The following URB1 variants were observed in gnomAD, a reference collection of about 807,000 sequenced individuals.
URB1 encodes the protein nucleolar pre-ribosomal-associated protein 1.
In URB1, 197 loss-of-function variants were observed where a neutral mutation model predicts 242.3. The observed-to-expected ratio is 0.81, with a 90% CI of 0.72 to 0.91. URB1 has a LOEUF of 0.91. URB1 is among the 40% of genes least tolerant of loss of function. URB1 has a pLI of 0.00. For synonymous variants in URB1, 1,153 were observed against 1,201.8 expected, an observed-to-expected ratio of 0.96 and a Z score of 0.84; for missense variants, 2,721 against 2,860.5, an observed-to-expected ratio of 0.95 and a Z score of 1.11.
chr21:32,347,268 C>T lies in URB1; in HGVS notation c.3556G>A (p.Ala1186Thr), dbSNP rs757725246. 3.2e-6 allele frequency: 5 copies of T among 1,550,720 alleles called. No individual in the cohort carries two copies. The highest frequency in any genetic ancestry group is 4.4e-6 in the Non-Finnish European group (5 of 1,146,868). ...TCCACTGCTAGCGTGGGCAGCAGAGCCCCCAGGCCTCTCACATACTCGGAG... is the reference window on the plus strand; with the variant it reads ...TCCACTGCTAGCGTGGGCAGCAGAGTCCCCAGGCCTCTCACATACTCGGAG... Reference protein sequence around the residue: ...WSSEYVRGLGALLPTLAVDEL... With the variant: ...WSSEYVRGLGTLLPTLAVDEL... The change falls in exon 22 of 39, where the codon GCT (alanine) becomes ACT (threonine). Residue 1186 changes from alanine to threonine, a missense_variant. Ala to Thr is a moderately conservative substitution (Grantham distance 58). Transcript: ENST00000382751.
In URB1 at chr21:32,345,378, T is replaced by C. The variant is rs922568438; in HGVS notation, c.4066A>G (p.Lys1356Glu). ...AACCAACCTGAGCCTTCATACCTCT[T>C]GTGACTGCTTGGGGTGTGAAGCAAG... ...PSLLHTPSSH[K>E]RWIVADSISA... Residue 1356 changes from lysine (K) to glutamate (E), a missense_variant, in exon 23 of 39, where the codon AAG becomes GAG. Transcript: ENST00000382751. 2 of 1,550,268 alleles carry C rather than the reference T, an allele frequency of 1.3e-6. No individual in the cohort carries two copies. The highest frequency in any genetic ancestry group is 1.4e-5 in the African/African-American group (1 of 72,536).
intron 4 of URB1, among the ~76,000 whole-genome samples, chr21:32,383,019 C>T (rs912462995): frequency 6.6e-5 from 10 of 152,180 alleles, no homozygotes; most frequent in African/African-American, 2.4e-4. Context: ...TGGCTTAGAG[C>T]TTCAAGGGCT....
chr21:32,312,006 A>AT lies in URB1; in HGVS notation c.*2911dup. 2 of 1,613,000 alleles carry AT rather than the reference A, an allele frequency of 1.2e-6. No individual in the cohort carries two copies. The highest frequency in any genetic ancestry group is 1.7e-6 in the Non-Finnish European group (2 of 1,180,034). ...TCAATTGCAGAGCTGATGTCAGTAA[A>AT]TCGTGGCCATAGCTGAGTGAACTGG... On this transcript the variant is annotated 3_prime_UTR_variant, in exon 39 of 39. Coordinates refer to ENST00000382751, the MANE Select transcript of URB1 (RefSeq NM_014825.3).
Position 32,366,617 on chromosome 21 carries a change from C to T in URB1, c.1335+1G>A, listed in dbSNP as rs1330763784. Reference sequence around the variant, plus strand: ...GAAGTGGGGCAACCACATGGCCTTACGTTTAATGCTTGGGTGAACATGCTC... The same window carrying T: ...GAAGTGGGGCAACCACATGGCCTTATGTTTAATGCTTGGGTGAACATGCTC... On this transcript the variant is annotated splice_donor_variant, in intron 10 of 38. Transcript: ENST00000382751. LOFTEE classifies it high-confidence loss of function. 7 of 1,551,252 alleles carry T rather than the reference C, an allele frequency of 4.5e-6. No individual in the cohort carries two copies. Among genetic ancestry groups the T allele is most frequent in the East Asian group, 2.4e-5 (1 of 40,936 alleles).
In URB1 at chr21:32,359,879, C is replaced by A; in HGVS notation, c.1786G>T (p.Glu596Ter). The part of the protein sequence containing the change: ...GVISEQGLRE[E>*]VPPILQHHML... ...TGGTGCTGCAGAATGGGAGGCACCT[C>A]CTCTCGAAGGCCCTGCTCAGAGATG... Residue 596 changes from glutamate to a stop codon, truncating the protein, a stop_gained, in exon 14 of 39, where the codon GAG (glutamate) becomes TAG (stop). Coordinates refer to ENST00000382751, the MANE Select transcript of URB1 (RefSeq NM_014825.3). LOFTEE classifies it high-confidence loss of function. 2 of 1,548,262 alleles carry A rather than the reference C, an allele frequency of 1.3e-6. No homozygotes were observed. Among genetic ancestry groups the A allele is most frequent in the South Asian group, 2.4e-5 (2 of 83,416 alleles).
intron 21 of URB1, among the ~76,000 whole-genome samples, chr21:32,349,082 G>C (rs1338994933): frequency 6.6e-6 from 1 of 152,256 alleles, no homozygotes; most frequent in Non-Finnish European, 1.5e-5. Context: ...AGAGAAAGCT[G>C]TCTGCAGGGA....
chr21:32,388,407 T>C (rs1050820932), intron 1 of URB1, among the ~76,000 whole-genome samples: 2 of 152,242 alleles, frequency 1.3e-5, no homozygotes, highest in African/African-American at 4.8e-5. Flanking sequence ...TCCAGTCACA[T>C]TCGGCCTCTG....
At chr21:32,375,309 T>C in intron 6 of URB1, 89 bp downstream of exon 6, 1 of 780,052 alleles carries the variant, frequency 1.3e-6, no homozygotes, top group East Asian at 3.1e-5. Flanking sequence ...GATAAGATGT[T>C]GTAGCTCTAC....
chr21:32,353,892 C>T (rs2298363), intron 18 of URB1, 41 bp downstream of exon 18: 1,076,560 of 1,541,540 alleles, frequency 0.7, 382,976 homozygotes, highest in Non-Finnish European at 0.74. Flanking sequence ...ACAGACTAGC[C>T]GGCCAGGTGC....
intron 14 of URB1, among the ~76,000 whole-genome samples, chr21:32,358,255 C>T (rs1275978850): frequency 6.6e-6 from 1 of 152,092 alleles, no homozygotes; most frequent in African/African-American, 2.4e-5. Context: ...AGCTGCTACC[C>T]TATTTTACAT....
chr21:32,349,228 G>A, intron 21 of URB1, 76 bp downstream of exon 21: 3 of 1,432,900 alleles, frequency 2.1e-6, no homozygotes, highest in Non-Finnish European at 1.8e-6. Flanking sequence ...ACCTATGTTT[G>A]TTTTTAATCA....
Position 32,347,127 on chromosome 21 carries a change from T to TGTGTGCGCCGGGCC in URB1, c.3696_3697insGGCCCGGCGCACAC (p.Ile1233GlyfsTer71), listed in dbSNP as rs1353919292. The TGTGTGCGCCGGGCC allele has an allele frequency of 6.5e-7, 1 of 1,549,334 alleles. No individual in the cohort carries two copies. Among genetic ancestry groups the TGTGTGCGCCGGGCC allele is most frequent in the Non-Finnish European group, 8.7e-7 (1 of 1,146,288 alleles). On this transcript the variant is annotated frameshift_variant, in exon 22 of 39. Coordinates refer to ENST00000382751, the MANE Select transcript of URB1 (RefSeq NM_014825.3). LOFTEE classifies it high-confidence loss of function. The stretch of plus-strand genomic sequence containing the variant: ...CTCTCCTGGAGGAGCAGGGCAGCGA[T>TGTGTGCGCCGGGCC]GCTGAGGGCCGCCTGTGTGCGCCGG...
chr21:32,371,241 C>T (rs2033403138), intron 8 of URB1, among the ~76,000 whole-genome samples: 1 of 152,196 alleles, frequency 6.6e-6, no homozygotes, highest in Non-Finnish European at 1.5e-5. Flanking sequence ...AATCTCCTTC[C>T]TTTCCCTTAT....
chr21:32,384,319 C>T lies in URB1; in HGVS notation c.428G>A (p.Gly143Asp), dbSNP rs986716285. 8.4e-6 allele frequency: 13 copies of T among 1,551,316 alleles called. No homozygotes were observed. In the African/African-American group the frequency reaches 1.4e-4, roughly 16 times the overall value. The change falls in exon 3 of 39, where the codon GGT (glycine) becomes GAT (aspartate). Residue 143 changes from glycine to aspartate, a missense_variant. By Grantham distance (94) the Gly-to-Asp change is moderately conservative (BLOSUM62 -1). Coordinates refer to ENST00000382751, the MANE Select transcript of URB1 (RefSeq NM_014825.3). ...KLICESLYAS[G>D]YRLARACLSL... ...ACCAAGGCAGACTGCCTACCTGTAA[C>T]CTGAGGCATACAGGGACTCACAGAT...
intron 25 of URB1, 97 bp downstream of exon 25, chr21:32,341,369 G>A (rs971986157): frequency 1.4e-5 from 17 of 1,236,198 alleles, no homozygotes; most frequent in African/African-American, 6.1e-5. Flanking sequence ...GCTCCACCAC[G>A]TGGATTATGC....
In URB1 at chr21:32,347,485, T is replaced by G; in HGVS notation, c.3339A>C (p.Pro1113=). 6.4e-7 allele frequency: 1 copy of G among 1,551,232 alleles called. No individual in the cohort carries two copies. Among genetic ancestry groups the G allele is most frequent in the South Asian group, 1.2e-5 (1 of 83,986 alleles). Residue 1113 remains proline, a synonymous_variant, in exon 22 of 39, where the codon CCA becomes CCC. Transcript: ENST00000382751. ...PQLEALQELH[P]YMEGAQLREV... ...CACGGAGCTGGGCACCCTCCATGTA[T>G]GGATGCAGCTCCTGCAGGGCCTCCA...
rs2033549156 is a variant in URB1, at chr21:32,383,479, G to C, written c.510C>G (p.Ser170Arg). ...QGPEAARDVC[S>R]HFDLNKKTLY... ...GGGTCTTTTTATTCAAATCAAAATGGCTGCAGACGTCCCTGGCAGCTTCCG... is the reference window on the plus strand; with the variant it reads ...GGGTCTTTTTATTCAAATCAAAATGCCTGCAGACGTCCCTGGCAGCTTCCG... Residue 170 changes from serine to arginine, a missense_variant, in exon 4 of 39, where the codon AGC becomes AGG. Transcript: ENST00000382751. 2 of 1,551,548 alleles carry C rather than the reference G, an allele frequency of 1.3e-6. No individual in the cohort carries two copies. Among genetic ancestry groups the C allele is most frequent in the East Asian group, 4.9e-5 (2 of 40,900 alleles).
At chr21:32,369,036 C>T (rs957598555) in intron 8 of URB1, among the ~76,000 whole-genome samples, 1 of 151,960 alleles carries the variant, frequency 6.6e-6, no homozygotes, top group Non-Finnish European at 1.5e-5. Flanking sequence ...CCTCCTCCAG[C>T]CACACACAAA....
intron 38 of URB1, among the ~76,000 whole-genome samples, chr21:32,315,825 T>G (rs1186024359): frequency 6.6e-6 from 1 of 152,220 alleles, no homozygotes; most frequent in African/African-American, 2.4e-5. Context: ...AAGGTCACCC[T>G]GCTACCAGGT....
Sources: allele counts gnomAD v4.1 joint callset (sites outside exome capture counted in the v4.1 genomes callset), GRCh38; gene constraint gnomAD v4.1.1; transcripts MANE v1.5; gene names NCBI Gene and HGNC (gene_info 2026-07-23, HGNC 2026-07-21).